The following TANC2 variants were observed in gnomAD, a reference collection of about 807,000 sequenced individuals.
TANC2 encodes tetratricopeptide repeat, ankyrin repeat and coiled-coil containing 2.
In TANC2, 26 loss-of-function variants were observed where a neutral mutation model predicts 210.5. The observed-to-expected ratio is 0.12, with a 90% CI of 0.09 to 0.17. The LOEUF is 0.17. Ranked by LOEUF, TANC2 falls within the 10% of genes least tolerant of loss-of-function variation. The pLI, the probability that TANC2 is intolerant of heterozygous loss-of-function variation, is 1.00. For synonymous variants in TANC2, 931 were observed against 967.1 expected (o/e 0.96, Z 0.69); for missense variants, 2,129 against 2,608.9 (o/e 0.82, Z 4.01).
chr17:63,335,988 C>T (rs367900413), intron 11 of TANC2, among the ~76,000 whole-genome samples: 1 of 151,870 alleles, frequency 6.6e-6, no homozygotes, highest in East Asian at 1.9e-4. Flanking sequence ...TGGTAGGGCT[C>T]CAAGCTGGAA....
Position 62,966,276 on chromosome 17 carries a change from C to A in TANC2, c.-497C>A, listed in dbSNP as rs1296847077. ...GGCCGGCGGGGCGCGGGTTGCTGGG[C>A]GCGCTGCTCCGGCGGGGCCCGCTGG... On this transcript the variant is annotated 5_prime_UTR_variant, in exon 1 of 28. Transcript: ENST00000689528. This position sits in a 1 kb window ranked among gnomAD's most constrained non-coding sequence, Gnocchi z 5.1. Among the ~76,000 whole-genome samples the A allele has an allele frequency of 8.9e-5, 13 of 146,034 alleles. No homozygotes were observed. In the South Asian group the frequency reaches 2.5e-3, roughly 28 times the overall value.
At chr17:62,994,968 G>C (rs1232275457) in intron 1 of TANC2, among the ~76,000 whole-genome samples, 1 of 152,190 alleles carries the variant, frequency 6.6e-6, no homozygotes, top group Non-Finnish European at 1.5e-5. Context: ...CTACAAAGCT[G>C]ATGTGTCATA....
intron 4 of TANC2, among the ~76,000 whole-genome samples, chr17:63,135,390 A>G (rs957577201): frequency 1.3e-5 from 2 of 152,204 alleles, no homozygotes; most frequent in Non-Finnish European, 2.9e-5. Context: ...ACAAAGAAAG[A>G]CAGTGCTAAT....
rs1598194199 is a variant in TANC2, at chr17:62,987,178, G to A, written c.-24+20429G>A. Among the ~76,000 whole-genome samples, 4 of 152,304 alleles carry A rather than the reference G, an allele frequency of 2.6e-5. No homozygotes were observed. The South Asian group carries it at 8.3e-4, about 32-fold the overall frequency. ...ACTGTTCCTCTGGCTATAAGTGAGA[G>A]CAGTGGGAGTTGGTTCTTTGCTGTG... On this transcript the variant is annotated intron_variant, in intron 1 of 27. Coordinates refer to ENST00000689528, the Ensembl canonical transcript of TANC2.
chr17:63,060,488 G>T (rs2035956555), intron 2 of TANC2, among the ~76,000 whole-genome samples: 1 of 152,148 alleles, frequency 6.6e-6, no homozygotes, highest in South Asian at 2.1e-4. Flanking sequence ...GGGCATGGTG[G>T]TGGGCGCCTG....
intron 5 of TANC2, among the ~76,000 whole-genome samples, chr17:63,179,480 C>T (rs559348007): frequency 1.3e-5 from 2 of 152,258 alleles, no homozygotes; most frequent in South Asian, 2.1e-4. Flanking sequence ...ACATATAGTG[C>T]ATTTAGAAAA....
At chr17:62,977,171 A>G (rs2032053121) in intron 1 of TANC2, among the ~76,000 whole-genome samples, 1 of 152,226 alleles carries the variant, frequency 6.6e-6, no homozygotes, top group African/African-American at 2.4e-5. Context: ...CTGTTTCTAC[A>G]TAAACATTTT....
chr17:63,150,587 C>T (rs2039615030), intron 4 of TANC2: 3 of 152,264 alleles, frequency 2.0e-5, no homozygotes, highest in Non-Finnish European at 4.4e-5. Context: ...AATCACATGT[C>T]TTTAGCTTCT....
chr17:63,412,790 T>C lies in TANC2; in HGVS notation c.3928+81T>C. The C allele has an allele frequency of 6.7e-7, 1 of 1,485,938 alleles. No homozygotes were observed. The highest frequency in any genetic ancestry group is 9.0e-7 in the Non-Finnish European group (1 of 1,111,566). 92.0% of individuals were successfully genotyped at this position (1,485,938 alleles called of 1,614,324 possible). ...CTTCTCCTCTTTGGTTTAGCCTGCATGAGTTCCCTACACCTCTAATCTTTT... is the reference window on the plus strand; with the variant it reads ...CTTCTCCTCTTTGGTTTAGCCTGCACGAGTTCCCTACACCTCTAATCTTTT... On this transcript the variant is annotated intron_variant, in intron 24 of 27. Transcript: ENST00000689528. The surrounding 1 kb of genome is among the most constrained non-coding windows in gnomAD (Gnocchi z 4.2).
chr17:63,129,752 A>G (rs1338061489), intron 4 of TANC2, among the ~76,000 whole-genome samples: 1 of 152,002 alleles, frequency 6.6e-6, no homozygotes, highest in Non-Finnish European at 1.5e-5. Context: ...TCACCACCTT[A>G]TATTTTCTTT....
intron 7 of TANC2, among the ~76,000 whole-genome samples, chr17:63,220,776 A>G (rs1598634826): frequency 6.8e-6 from 1 of 147,682 alleles, no homozygotes; most frequent in Non-Finnish European, 1.5e-5. Context: ...GTGTATATAT[A>G]CATGTATGTG....
At chr17:63,005,897 TG>T (rs2033604201) in intron 1 of TANC2, among the ~76,000 whole-genome samples, 1 of 9,800 alleles carries the variant, frequency 1.0e-4, no homozygotes, top group Non-Finnish European at 2.0e-4. Flanking sequence ...CTGTATAGTT[TG>T]TGTGTGTGTG....
chr17:63,011,732 A>G (rs2033880993), intron 2 of TANC2, among the ~76,000 whole-genome samples: 2 of 152,136 alleles, frequency 1.3e-5, no homozygotes, highest in Admixed American at 6.5e-5. Flanking sequence ...TCATATTAAT[A>G]TAAGGACTCC....
chr17:63,218,598 T>G (rs544632583), intron 7 of TANC2, among the ~76,000 whole-genome samples: 1 of 151,978 alleles, frequency 6.6e-6, no homozygotes, highest in East Asian at 1.9e-4. Flanking sequence ...AAATAACTAT[T>G]AGAAACTAGT....
chr17:63,344,575 A>G (rs1001488594), intron 12 of TANC2, among the ~76,000 whole-genome samples: 1 of 152,242 alleles, frequency 6.6e-6, no homozygotes, highest in Non-Finnish European at 1.5e-5. Flanking sequence ...TGCAGACAAC[A>G]TAATTGTTTA....
chr17:63,319,314 A>G (rs375229349), intron 11 of TANC2, among the ~76,000 whole-genome samples: 1 of 152,146 alleles, frequency 6.6e-6, no homozygotes, highest in African/African-American at 2.4e-5. Flanking sequence ...CTTCTAGTGA[A>G]TAAATAAAGA....
chr17:63,312,401 A>G (rs948243780), intron 9 of TANC2, among the ~76,000 whole-genome samples: 2 of 152,184 alleles, frequency 1.3e-5, no homozygotes, highest in Non-Finnish European at 2.9e-5. Context: ...GAATGGAATC[A>G]TGTCCTTTGC....
chr17:63,143,702 T>C (rs1268271184), intron 4 of TANC2, among the ~76,000 whole-genome samples: 1 of 152,210 alleles, frequency 6.6e-6, no homozygotes, highest in African/African-American at 2.4e-5. Flanking sequence ...ACTATTAGTA[T>C]ATAGTTATTT....
At chr17:63,187,551 T>TA (rs1555600759) in intron 5 of TANC2, among the ~76,000 whole-genome samples, 64 of 151,110 alleles carry the variant, frequency 4.2e-4, no homozygotes, top group South Asian at 1.5e-3. Context: ...ATTATGTTTT[T>TA]TATATATATA....
Sources: gnomAD v4.1 joint callset for allele counts (sites outside exome capture counted in the v4.1 genomes callset) on GRCh38, gnomAD v4.1.1 for gene constraint, Gnocchi (gnomAD v3.1) non-coding constraint, MANE v1.5 for transcripts, NCBI Gene and HGNC (gene_info 2026-07-23, HGNC 2026-07-21) for gene names.